GRID2: variants seen among roughly 807,000 people sequenced by gnomAD.
The protein encoded by GRID2 is glutamate receptor ionotropic, delta-2.
A neutral mutation model predicts 114.8 loss-of-function variants in GRID2; 33 were observed. The observed-to-expected ratio is 0.29, with a 90% CI of 0.22 to 0.38. The LOEUF (loss-of-function observed/expected upper bound fraction) is 0.38. GRID2 is among the 10% of genes least tolerant of loss of function. The pLI is 1.00. For synonymous variants in GRID2, 505 were observed against 449.9 expected (o/e 1.12, Z -1.55); for missense variants, 1,184 against 1,257.7 (o/e 0.94, Z 0.89).
intron 2 of GRID2, among the ~76,000 whole-genome samples, chr4:92,763,549 T>A (rs1560578282): frequency 6.6e-6 from 1 of 152,244 alleles, no homozygotes; most frequent in Non-Finnish European, 1.5e-5. Context: ...TAAAGATGAT[T>A]TAAAGTGAAC....
chr4:93,242,510 G>C (rs1747655053), intron 8 of GRID2, among the ~76,000 whole-genome samples: 1 of 152,032 alleles, frequency 6.6e-6, no homozygotes, highest in South Asian at 2.1e-4. Context: ...AAGGCAGTAT[G>C]GTTAAGAACA....
At chr4:93,462,191 C>T (rs533437267) in intron 11 of GRID2, among the ~76,000 whole-genome samples, 33 of 152,152 alleles carry the variant, frequency 2.2e-4, no homozygotes, top group African/African-American at 7.2e-4. Flanking sequence ...AAATATTTCA[C>T]GAGTATACTA....
chr4:93,120,128 C>T lies in GRID2; in HGVS notation c.735+9175C>T, dbSNP rs140165567. 7.9e-3 allele frequency among the ~76,000 whole-genome samples: 1,200 copies of T among 152,296 alleles called. 16 individuals carry two copies. The highest frequency in any genetic ancestry group is 0.027 in the African/African-American group (1,139 of 41,564). On this transcript the variant is annotated intron_variant, in intron 4 of 15. Coordinates refer to ENST00000282020, the MANE Select transcript of GRID2 (RefSeq NM_001510.4). The stretch of plus-strand genomic sequence containing the variant: ...TGGAGAGGATGTGGAGAAATAGGAA[C>T]ACTTTTACACTGTTTGTGGGAGTGT...
intron 13 of GRID2, among the ~76,000 whole-genome samples, chr4:93,616,266 G>T (rs72889177): frequency 3.9e-5 from 6 of 151,908 alleles, no homozygotes; most frequent in African/African-American, 1.5e-4. Flanking sequence ...GACTAAGGCC[G>T]GGCACAGTGG....
rs368816468 is a variant in GRID2 at position 93,523,229 on chromosome 4, G to C, written c.2193+7818G>C. ...GCAATGCAGTATCCCCAGAAGATAA[G>C]TACATTCTACTTAGCAAAATAAAGT... On this transcript the variant is annotated intron_variant, in intron 13 of 15. Coordinates refer to ENST00000282020, the MANE Select transcript of GRID2 (RefSeq NM_001510.4). Among the ~76,000 whole-genome samples the C allele has an allele frequency of 2.0e-5, 3 of 152,124 alleles. No individual in the cohort carries two copies. The East Asian group carries it at 5.8e-4, about 29-fold the overall frequency.
chr4:93,281,591 T>C (rs896994491), intron 8 of GRID2, among the ~76,000 whole-genome samples: 1 of 152,032 alleles, frequency 6.6e-6, no homozygotes, highest in African/African-American at 2.4e-5. Flanking sequence ...TCACATAATA[T>C]AGTGAAGCAA....
chr4:92,568,887 T>C (rs1316375813), intron 1 of GRID2, among the ~76,000 whole-genome samples: 1 of 152,120 alleles, frequency 6.6e-6, no homozygotes, highest in Non-Finnish European at 1.5e-5. Flanking sequence ...TCCATTTTCC[T>C]GCAAATAATA....
At position 93,597,543 on chromosome 4, in the gene GRID2, T is replaced by G. The variant is rs76007141; in HGVS notation, c.2194-28726T>G. ...ATGAATTTTAATGCTCTCCTGCTCA[T>G]TTGTGATTTCTCTTTCCTAGGAGAG... On this transcript the variant is annotated intron_variant, in intron 13 of 15. Transcript: ENST00000282020. Among the ~76,000 whole-genome samples the G allele has an allele frequency of 5.6e-3, 859 of 152,314 alleles. 11 individuals are homozygous for G. The highest frequency in any genetic ancestry group is 0.019 in the African/African-American group (789 of 41,542).
chr4:93,746,069 T>C (rs6854885), intron 14 of GRID2, among the ~76,000 whole-genome samples: 47,545 of 151,944 alleles, frequency 0.31, 7,909 homozygotes, highest in Middle Eastern at 0.46. Context: ...GGACCAAAAA[T>C]TGTCCTTGTA....
At chr4:93,581,675 C>T (rs1736996191) in intron 13 of GRID2, among the ~76,000 whole-genome samples, 1 of 152,142 alleles carries the variant, frequency 6.6e-6, no homozygotes, top group South Asian at 2.1e-4. Flanking sequence ...TAGAGATAGT[C>T]AGGGCTAAAT....
At chr4:93,744,533 G>A (rs900649553) in intron 14 of GRID2, among the ~76,000 whole-genome samples, 1 of 152,302 alleles carries the variant, frequency 6.6e-6, no homozygotes, top group African/African-American at 2.4e-5. Context: ...TAGAATGGAA[G>A]CGGAGCCTGA....
intron 1 of GRID2, among the ~76,000 whole-genome samples, chr4:92,406,116 C>T (rs1255930065): frequency 2.6e-5 from 4 of 152,144 alleles, no homozygotes; most frequent in African/African-American, 9.7e-5. Flanking sequence ...AGATGGTGCA[C>T]ACCTGATTAA....
intron 1 of GRID2, among the ~76,000 whole-genome samples, chr4:92,504,540 TG>T (rs1389600408): frequency 6.6e-6 from 1 of 152,094 alleles, no homozygotes; most frequent in East Asian, 1.9e-4. Flanking sequence ...AATTTTCTCA[TG>T]CCGAAGGAAG....
intron 12 of GRID2, among the ~76,000 whole-genome samples, chr4:93,492,293 A>G (rs1727083364): frequency 6.6e-6 from 1 of 151,954 alleles, no homozygotes; most frequent in African/African-American, 2.4e-5. Flanking sequence ...CTTCAAAAAT[A>G]CATACTATGA....
intron 1 of GRID2, among the ~76,000 whole-genome samples, chr4:92,367,620 A>G (rs575503086): frequency 1.6e-4 from 24 of 152,214 alleles, no homozygotes; most frequent in African/African-American, 5.5e-4. Flanking sequence ...AGTTTCCGTT[A>G]AAGGGAGATG....
chr4:93,483,802 A>G (rs1726104114), intron 11 of GRID2, among the ~76,000 whole-genome samples: 1 of 151,994 alleles, frequency 6.6e-6, no homozygotes, highest in Non-Finnish European at 1.5e-5. Flanking sequence ...ATGCTTTAGC[A>G]GAGCACTTTA....
intron 8 of GRID2, among the ~76,000 whole-genome samples, chr4:93,387,176 G>A (rs1764400071): frequency 6.6e-6 from 1 of 152,282 alleles, no homozygotes; most frequent in South Asian, 2.1e-4. Flanking sequence ...TCATTTGTAT[G>A]TTGGTGGTTC....
chr4:93,062,422 G>T (rs1727887976), intron 2 of GRID2, among the ~76,000 whole-genome samples: 1 of 152,052 alleles, frequency 6.6e-6, no homozygotes, highest in Admixed American at 6.6e-5. Flanking sequence ...AATCATATTT[G>T]CTTATCTCTT....
chr4:92,624,250 G>T (rs977942427), intron 2 of GRID2, among the ~76,000 whole-genome samples: 1 of 151,818 alleles, frequency 6.6e-6, no homozygotes, highest in Non-Finnish European at 1.5e-5. Context: ...GAGTAAAGTG[G>T]CACAAACAAT....
Sources: gnomAD v4.1 joint callset for allele counts (sites outside exome capture counted in the v4.1 genomes callset) on GRCh38, gnomAD v4.1.1 for gene constraint, MANE v1.5 for transcripts, NCBI Gene and HGNC (gene_info 2026-07-23, HGNC 2026-07-21) for gene names.